MEAF6: variants seen among roughly 807,000 people sequenced by gnomAD.
MEAF6 encodes the protein chromatin modification-related protein MEAF6.
In MEAF6, 15 loss-of-function variants were observed where a neutral mutation model predicts 28.9. That is an observed-to-expected ratio of 0.52 (90% CI 0.35 to 0.80). The LOEUF (loss-of-function observed/expected upper bound fraction) is 0.80. MEAF6 is among the 30% of genes least tolerant of loss of function. The pLI is 0.01. For synonymous variants in MEAF6, 97 were observed against 88.7 expected, an observed-to-expected ratio of 1.09 and a Z score of -0.53; for missense variants, 178 against 237.5, an observed-to-expected ratio of 0.75 and a Z score of 1.65.
Position 37,493,910 on chromosome 1 carries a change from G to A in MEAF6, c.*189C>T. ...TGTTACTAAAAATGACATAAAGTAA[G>A]ACCCAATGTCTTACAGAAATGACTT... On this transcript the variant is annotated 3_prime_UTR_variant, in exon 7 of 7. Coordinates refer to ENST00000296214, the MANE Select transcript of MEAF6 (RefSeq NM_001270875.3). 1 of 1,584,912 alleles carries A rather than the reference G, an allele frequency of 6.3e-7. No homozygotes were observed. The highest frequency in any genetic ancestry group is 1.1e-5 in the South Asian group (1 of 87,566).
chr1:37,510,593 G>C (rs1251130100), intron 2 of MEAF6, among the ~76,000 whole-genome samples: 1 of 151,532 alleles, frequency 6.6e-6, no homozygotes, highest in Non-Finnish European at 1.5e-5. Context: ...TATTGGCCAG[G>C]CTGGTCTCAA....
chr1:37,509,600 G>C, intron 2 of MEAF6, 58 bp from the exon 3 acceptor site: 1 of 1,455,722 alleles, frequency 6.9e-7, no homozygotes, highest in Admixed American at 1.8e-5. Context: ...CTCAAGCTGG[G>C]GATGCCCCAG....
intron 6 of MEAF6, among the ~76,000 whole-genome samples, 172 bp downstream of exon 6, chr1:37,495,697 CAAAAAACAAAAAAAAA>C (rs1326974510): frequency 7.6e-5 from 7 of 92,714 alleles, no homozygotes; most frequent in South Asian, 3.8e-4. Flanking sequence ...AAAAAAAAAA[CAAAAAACAAAAAAAAA>C]AAAAAACAAA....
At chr1:37,513,875 GTA>G in intron 1 of MEAF6, 1 of 373,872 alleles carries the variant, frequency 2.7e-6, no homozygotes, top group Non-Finnish European at 4.8e-6. Context: ...CGCACAAAAG[GTA>G]TCGCTACCAG....
At chr1:37,498,850 T>A (rs1642204721) in intron 5 of MEAF6, among the ~76,000 whole-genome samples, 1 of 152,126 alleles carries the variant, frequency 6.6e-6, no homozygotes, top group Admixed American at 6.5e-5. Flanking sequence ...TAAAAATTAT[T>A]TGATAAATTT....
intron 4 of MEAF6, among the ~76,000 whole-genome samples, chr1:37,504,588 T>C (rs376786498): frequency 1.3e-5 from 2 of 151,578 alleles, no homozygotes; most frequent in East Asian, 2.0e-4. Context: ...CTGGCCAACA[T>C]GGTAAGACCC....
intron 4 of MEAF6, among the ~76,000 whole-genome samples, chr1:37,506,173 A>C (rs1028844383): frequency 3.3e-5 from 5 of 152,030 alleles, no homozygotes; most frequent in African/African-American, 1.2e-4. Flanking sequence ...CGAGAGGCTG[A>C]GGCAAGAGAA....
Position 37,491,631 on chromosome 1 carries a change from C to T in MEAF6, c.*2468G>A, listed in dbSNP as rs1048430395. On this transcript the variant is annotated 3_prime_UTR_variant, in exon 7 of 7. Coordinates refer to ENST00000296214, the MANE Select transcript of MEAF6 (RefSeq NM_001270875.3). Reference sequence around the variant, plus strand: ...GGAAGATGGCTTGACCCCAGAAGTTCGAGGCTGCACTGAGCTTTGATCAGG... The same window carrying T: ...GGAAGATGGCTTGACCCCAGAAGTTTGAGGCTGCACTGAGCTTTGATCAGG... 3.3e-5 allele frequency among the ~76,000 whole-genome samples: 5 copies of T among 151,982 alleles called. No homozygotes were observed. Among genetic ancestry groups the T allele is most frequent in the South Asian group, 2.1e-4 (1 of 4,816 alleles).
chr1:37,512,803 G>A (rs981342730), intron 2 of MEAF6, among the ~76,000 whole-genome samples: 5 of 152,162 alleles, frequency 3.3e-5, no homozygotes, highest in Non-Finnish European at 5.9e-5. Context: ...GAGGTGGGAG[G>A]ATCACTTCAG....
intron 5 of MEAF6, among the ~76,000 whole-genome samples, chr1:37,498,409 T>TA (rs1642189705): frequency 8.2e-6 from 1 of 122,538 alleles, no homozygotes; most frequent in Non-Finnish European, 1.9e-5. Flanking sequence ...TATGTTATTT[T>TA]TTATTATTAT....
Position 37,490,647 on chromosome 1 carries a change from C to T in MEAF6, c.*3452G>A, listed in dbSNP as rs1367373007. 6.6e-6 allele frequency among the ~76,000 whole-genome samples: 1 copy of T among 152,158 alleles called. No homozygotes were observed. Among genetic ancestry groups the T allele is most frequent in the East Asian group, 1.9e-4 (1 of 5,194 alleles). On this transcript the variant is annotated 3_prime_UTR_variant, in exon 7 of 7. Coordinates refer to ENST00000296214, the MANE Select transcript of MEAF6 (RefSeq NM_001270875.3). The stretch of plus-strand genomic sequence containing the variant: ...GTAGCCTTGAACTTCTGGCTTCAAG[C>T]GATCCTGCTGCCTCTAAGCCTCCCA...
chr1:37,514,765 G>T lies in MEAF6; in HGVS notation c.-19C>A. On this transcript the variant is annotated 5_prime_UTR_variant, in exon 1 of 7. Transcript: ENST00000296214. The stretch of plus-strand genomic sequence containing the variant: ...TCGCCATGTTGGGCTGAGGCGGGCG[G>T]CGGCGGCGCGAGGTTGGGGGCGGTC... 1 of 1,432,344 alleles carries T rather than the reference G, an allele frequency of 7.0e-7. No individual in the cohort carries two copies. Among genetic ancestry groups the T allele is most frequent in the Non-Finnish European group, 9.2e-7 (1 of 1,091,536 alleles). The allele number at this position is 1,432,344 out of a possible 1,614,324, so 88.7% of individuals were successfully genotyped here. A position where few individuals can be genotyped will look rare whatever the true frequency, so the allele number is the denominator to read the frequency against.
chr1:37,495,862 G>A (rs971712113), intron 6 of MEAF6, 23 bp downstream of exon 6: 1 of 1,613,424 alleles, frequency 6.2e-7, no homozygotes, highest in Non-Finnish European at 8.5e-7. Flanking sequence ...CAGCCTCTCT[G>A]AAGTGGTCCG....
intron 2 of MEAF6, among the ~76,000 whole-genome samples, chr1:37,510,199 C>G (rs1480535737): frequency 6.6e-6 from 1 of 151,818 alleles, no homozygotes; most frequent in Admixed American, 6.6e-5. Flanking sequence ...GCCTCAGCCT[C>G]CAGAGTAGCC....
intron 2 of MEAF6, 142 bp from the exon 3 acceptor site, chr1:37,509,684 G>A (rs1311359474): frequency 1.6e-6 from 1 of 618,550 alleles, no homozygotes; most frequent in Non-Finnish European, 2.8e-6. Context: ...AACACAGAAA[G>A]CAACGTTTTC....
chr1:37,505,751 G>A (rs959958314), intron 4 of MEAF6, among the ~76,000 whole-genome samples: 1 of 152,040 alleles, frequency 6.6e-6, no homozygotes, highest in Non-Finnish European at 1.5e-5. Context: ...ATAAATCAGG[G>A]GACTAGAATT....
At chr1:37,499,633 G>A (rs947507112) in intron 5 of MEAF6, among the ~76,000 whole-genome samples, 18 of 152,200 alleles carry the variant, frequency 1.2e-4, no homozygotes, top group Admixed American at 1.2e-3. Context: ...TATTAAATCA[G>A]AGGGAAGACA....
intron 5 of MEAF6, 132 bp from the exon 6 acceptor site, chr1:37,496,050 T>C (rs1642122186): frequency 1.4e-6 from 1 of 716,812 alleles, no homozygotes; most frequent in East Asian, 2.7e-5. Context: ...TTCATTAGAC[T>C]ATGTCATATT....
chr1:37,502,563 T>TTTTG (rs1375861790), intron 4 of MEAF6, among the ~76,000 whole-genome samples: 3 of 125,190 alleles, frequency 2.4e-5, no homozygotes, highest in African/African-American at 7.8e-5. Context: ...CTTGTTTTTT[T>TTTTG]TTTGTTTGTT....
Sources: allele counts gnomAD v4.1 joint callset (sites outside exome capture counted in the v4.1 genomes callset), GRCh38; gene constraint gnomAD v4.1.1; transcripts MANE v1.5; gene names NCBI Gene and HGNC (gene_info 2026-07-23, HGNC 2026-07-21).